Variants in CPE observed in about 807,000 individuals in gnomAD.
CPE encodes carbocypeptidase E.
In CPE, 17 loss-of-function variants were observed where a neutral mutation model predicts 53.5. The observed-to-expected ratio is 0.32, with a 90% confidence interval of 0.22 to 0.48. The LOEUF is 0.48. CPE is among the 20% of genes least tolerant of loss of function. The pLI is 0.99. For synonymous variants in CPE, 226 were observed against 228.8 expected (o/e 0.99, Z 0.11); for missense variants, 524 against 614.7 (o/e 0.85, Z 1.56).
At chr4:165,385,442 G>C (rs1242423613) in intron 1 of CPE, among the ~76,000 whole-genome samples, 3 of 92,438 alleles carry the variant, frequency 3.2e-5, no homozygotes, top group South Asian at 7.4e-4. Context: ...ACAAATGTTT[G>C]CTTTTTTTTT....
intron 7 of CPE, 60 bp downstream of exon 7, chr4:165,493,330 T>TG: frequency 8.5e-7 from 1 of 1,171,838 alleles, no homozygotes; most frequent in Non-Finnish European, 1.3e-6. Context: ...TTACTAATTA[T>TG]CATAATTATA....
At chr4:165,433,143 C>G (rs1419633310) in intron 1 of CPE, among the ~76,000 whole-genome samples, 1 of 152,072 alleles carries the variant, frequency 6.6e-6, no homozygotes, top group Admixed American at 6.5e-5. Context: ...GAAGAAAGAA[C>G]AAAAGTGGAT....
At chr4:165,487,004 T>C (rs1732516234) in intron 5 of CPE, among the ~76,000 whole-genome samples, 1 of 152,220 alleles carries the variant, frequency 6.6e-6, no homozygotes, top group African/African-American at 2.4e-5. Context: ...CACTATGATA[T>C]TGATTGGGCT....
At chr4:165,424,285 ACT>A (rs1016154723) in intron 1 of CPE, among the ~76,000 whole-genome samples, 1 of 145,030 alleles carries the variant, frequency 6.9e-6, no homozygotes, top group African/African-American at 2.5e-5. Context: ...GCATGTACAT[ACT>A]CTGTTTTTTT....
At chr4:165,448,757 A>G (rs1453797686) in intron 1 of CPE, among the ~76,000 whole-genome samples, 1 of 152,196 alleles carries the variant, frequency 6.6e-6, no homozygotes, top group African/African-American at 2.4e-5. Flanking sequence ...TCAGTCCACT[A>G]TCCAGTGAAT....
chr4:165,407,222 T>C (rs1341974336), intron 1 of CPE, among the ~76,000 whole-genome samples: 1 of 152,206 alleles, frequency 6.6e-6, no homozygotes, highest in Admixed American at 6.5e-5. Flanking sequence ...GTACAAAGGT[T>C]CCAATTTCTC....
chr4:165,464,254 A>G (rs745477174), intron 1 of CPE, 136 bp from the exon 2 acceptor site: 1 of 680,928 alleles, frequency 1.5e-6, no homozygotes, highest in Admixed American at 3.2e-5. Flanking sequence ...TTTAATGTCT[A>G]CGGTAGATTT....
chr4:165,404,561 A>G lies in CPE; in HGVS notation c.307+25033A>G, dbSNP rs1290529826. 5.3e-6 allele frequency: 5 copies of G among 938,910 alleles called. No individual in the cohort carries two copies. In the Admixed American group the frequency reaches 6.8e-5, roughly 13 times the overall value. The allele number at this position is 938,910 out of a possible 1,614,324, so 58.2% of individuals were successfully genotyped here. A position where few individuals can be genotyped will look rare whatever the true frequency, so the allele number is the denominator to read the frequency against. On this transcript the variant is annotated intron_variant, in intron 1 of 8. Transcript: ENST00000402744. ...AAAGGCTTTGCCCAGATCTTTGGCC[A>G]CATGTTTCGCTACATCCACGCCAAC...
intron 1 of CPE, chr4:165,418,160 C>G (rs546035040): frequency 6.6e-6 from 1 of 152,298 alleles, no homozygotes; most frequent in East Asian, 1.9e-4. Context: ...AGTGGTAAAG[C>G]AAACACATTC....
At chr4:165,456,329 C>G (rs902280620) in intron 1 of CPE, among the ~76,000 whole-genome samples, 10 of 152,060 alleles carry the variant, frequency 6.6e-5, no homozygotes, top group African/African-American at 2.2e-4. Context: ...AAAATTTTCC[C>G]TAGGCCCGTT....
chr4:165,396,935 C>G (rs1172858603), intron 1 of CPE, among the ~76,000 whole-genome samples: 1 of 151,702 alleles, frequency 6.6e-6, no homozygotes, highest in Non-Finnish European at 1.5e-5. Flanking sequence ...GTGGTATGCT[C>G]CTGTAGTCCC....
At chr4:165,484,644 T>G in intron 5 of CPE, 40 bp downstream of exon 5, 1 of 1,559,620 alleles carries the variant, frequency 6.4e-7, no homozygotes, top group Non-Finnish European at 8.8e-7. Context: ...TGATTGTAGC[T>G]TATTTACAAT....
At chr4:165,391,128 G>A (rs1730672032) in intron 1 of CPE, among the ~76,000 whole-genome samples, 1 of 152,050 alleles carries the variant, frequency 6.6e-6, no homozygotes, top group African/African-American at 2.4e-5. Context: ...TATTTTTCCT[G>A]AATAGTTTTA....
At position 165,444,109 on chromosome 4, in the gene CPE, C is replaced by G. The variant is rs546203420; in HGVS notation, c.308-20281C>G. Reference sequence around the variant, plus strand: ...GTTGTAACAGCCTGAATGGACCAAGCCAGGCGTCAACATATGAATTTTGAG... The same window carrying G: ...GTTGTAACAGCCTGAATGGACCAAGGCAGGCGTCAACATATGAATTTTGAG... On this transcript the variant is annotated intron_variant, in intron 1 of 8. Coordinates refer to ENST00000402744, the MANE Select transcript of CPE (RefSeq NM_001873.4). Among the ~76,000 whole-genome samples, 42 of 152,250 alleles carry G rather than the reference C, an allele frequency of 2.8e-4. 2 individuals carry two copies. The South Asian group carries it at 8.5e-3, about 31-fold the overall frequency.
At chr4:165,404,116 G>A in intron 1 of CPE, 1 of 842,968 alleles carries the variant, frequency 1.2e-6, no homozygotes, top group East Asian at 2.5e-5. Context: ...CTAGCAGCTG[G>A]CTTGGGGTGA....
At chr4:165,412,104 A>G (rs1731051546) in intron 1 of CPE, among the ~76,000 whole-genome samples, 1 of 152,230 alleles carries the variant, frequency 6.6e-6, no homozygotes, top group Non-Finnish European at 1.5e-5. Flanking sequence ...TTTGGGCCCC[A>G]GCCAGCCTGA....
At chr4:165,419,107 A>G (rs1731168255) in intron 1 of CPE, among the ~76,000 whole-genome samples, 1 of 152,314 alleles carries the variant, frequency 6.6e-6, no homozygotes, top group Admixed American at 6.5e-5. Flanking sequence ...CTAGGTCATT[A>G]AAGCATTTCT....
intron 1 of CPE, among the ~76,000 whole-genome samples, chr4:165,451,523 G>T (rs183630276): frequency 1.3e-5 from 2 of 151,464 alleles, no homozygotes; most frequent in African/African-American, 4.9e-5. Context: ...ACAGAGTCTC[G>T]CTCCGTTGCC....
Position 165,379,526 on chromosome 4 carries a change from C to T in CPE, c.305C>T (p.Pro102Leu). 6.9e-7 allele frequency: 1 copy of T among 1,447,566 alleles called. No individual in the cohort carries two copies. Among genetic ancestry groups the T allele is most frequent in the Non-Finnish European group, 9.3e-7 (1 of 1,074,400 alleles). The allele number at this position is 1,447,566 out of a possible 1,614,324, so 89.7% of individuals were successfully genotyped here. The change falls in exon 1 of 9, where the codon CCT (proline) becomes CTT (leucine). Residue 102 changes from proline to leucine, a missense_variant and splice_region_variant. Physicochemically the swap from Pro to Leu is moderately conservative, Grantham distance 98. Transcript: ENST00000402744. The surrounding 1 kb of genome is among the most constrained non-coding windows in gnomAD (Gnocchi z 6.0). ...ELSDNPGVHE[P>L]GEPEFKYIGN... ...TCCGACAACCCTGGCGTCCATGAGC[C>T]TGGTAAGGGCGCTGCCCCCTGACAG...
Sources: gnomAD v4.1 joint callset for allele counts (sites outside exome capture counted in the v4.1 genomes callset) on GRCh38, gnomAD v4.1.1 for gene constraint, Gnocchi (gnomAD v3.1) non-coding constraint, MANE v1.5 for transcripts, NCBI Gene and HGNC (gene_info 2026-07-23, HGNC 2026-07-21) for gene names.